ERICH6B: variants seen among roughly 807,000 people sequenced by gnomAD.
ERICH6B encodes the protein glutamate-rich protein 6B.
ERICH6B carries 69 observed loss-of-function variants against 80.0 expected under a neutral mutation model. That is an observed-to-expected ratio of 0.86 (90% CI 0.71 to 1.05). ERICH6B has a LOEUF of 1.05. Among genes scored for constraint, ERICH6B ranks in the 50% least tolerant of loss-of-function variants. The pLI is 0.00. For synonymous variants in ERICH6B, 283 were observed against 291.9 expected (o/e 0.97, Z 0.31); for missense variants, 754 against 796.1 (o/e 0.95, Z 0.64).
chr13:45,555,794 G>A (rs1455423655), intron 11 of ERICH6B, among the ~76,000 whole-genome samples: 2 of 151,990 alleles, frequency 1.3e-5, no homozygotes, highest in African/African-American at 2.4e-5. Context: ...ACTTGGCTTT[G>A]GGAAGCATTT....
At chr13:45,580,763 C>T in intron 5 of ERICH6B, 98 bp from the exon 6 acceptor site, 1 of 1,254,554 alleles carries the variant, frequency 8.0e-7, no homozygotes, top group Non-Finnish European at 1.1e-6. Flanking sequence ...TCTTTCTTGG[C>T]ACCCAAGGCT....
At chr13:45,544,262 A>T (rs1231804498) in intron 14 of ERICH6B, among the ~76,000 whole-genome samples, 2 of 152,244 alleles carry the variant, frequency 1.3e-5, no homozygotes, top group East Asian at 1.9e-4. Flanking sequence ...TTTAGAAGAG[A>T]CGGGGTTTGA....
intron 9 of ERICH6B, among the ~76,000 whole-genome samples, chr13:45,564,461 G>T (rs143631055): frequency 1.6e-3 from 239 of 152,314 alleles, no homozygotes; most frequent in African/African-American, 5.7e-3. Flanking sequence ...AGGCTTAATT[G>T]GATCTGAAAA....
At chr13:45,550,369 C>G in intron 11 of ERICH6B, 53 bp from the exon 12 acceptor site, 2 of 1,434,060 alleles carry the variant, frequency 1.4e-6, no homozygotes, top group South Asian at 1.2e-5. Flanking sequence ...TGGGTACCAA[C>G]TGTCCTACTG....
chr13:45,611,106 C>T (rs1163156674), intron 1 of ERICH6B, among the ~76,000 whole-genome samples: 1 of 152,250 alleles, frequency 6.6e-6, no homozygotes, highest in South Asian at 2.1e-4. Context: ...CTACCCCTAA[C>T]TTTTCTTTCC....
chr13:45,572,576 C>T (rs978072360), intron 8 of ERICH6B, among the ~76,000 whole-genome samples: 9 of 152,114 alleles, frequency 5.9e-5, no homozygotes, highest in East Asian at 5.8e-4. Flanking sequence ...CCTCTCTACA[C>T]ATGAAACAAT....
At chr13:45,544,356 T>G (rs536331996) in intron 14 of ERICH6B, among the ~76,000 whole-genome samples, 2 of 152,278 alleles carry the variant, frequency 1.3e-5, no homozygotes, top group East Asian at 3.9e-4. Context: ...ATTACAGGCA[T>G]AAGCCACCGC....
At chr13:45,607,480 A>G (rs1471631559) in intron 2 of ERICH6B, 84 bp downstream of exon 2, 7 of 152,368 alleles carry the variant, frequency 4.6e-5, no homozygotes, top group Admixed American at 2.0e-4. Context: ...AGGGAGGACA[A>G]TAAGAATTAC....
chr13:45,576,200 C>G (rs1451109196), intron 7 of ERICH6B, among the ~76,000 whole-genome samples: 1 of 152,170 alleles, frequency 6.6e-6, no homozygotes, highest in Non-Finnish European at 1.5e-5. Flanking sequence ...CTGCGTTTAC[C>G]CACACTGTCC....
intron 11 of ERICH6B, among the ~76,000 whole-genome samples, chr13:45,553,673 C>T: frequency 6.6e-6 from 1 of 152,140 alleles, no homozygotes; most frequent in East Asian, 1.9e-4. Flanking sequence ...ACAAAGTTAT[C>T]TAGTTAGAAG....
intron 13 of ERICH6B, among the ~76,000 whole-genome samples, chr13:45,546,679 A>G (rs1268507093): frequency 6.6e-6 from 1 of 152,092 alleles, no homozygotes; most frequent in Non-Finnish European, 1.5e-5. Context: ...AAGTTCCCCT[A>G]GTAATCACCT....
chr13:45,570,627 A>C (rs1875114183), intron 8 of ERICH6B, among the ~76,000 whole-genome samples: 1 of 152,226 alleles, frequency 6.6e-6, no homozygotes, highest in Admixed American at 6.5e-5. Flanking sequence ...CAAGTCTTGC[A>C]GCCGCAGGTT....
intron 5 of ERICH6B, among the ~76,000 whole-genome samples, chr13:45,584,642 C>T (rs1183298311): frequency 6.6e-6 from 1 of 152,184 alleles, no homozygotes; most frequent in Non-Finnish European, 1.5e-5. Context: ...TGAAAAGCTA[C>T]ATTTTCACGA....
At position 45,545,064 on chromosome 13, in the gene ERICH6B, T is replaced by G. The variant is rs1873940352; in HGVS notation, c.1647-79A>C. On this transcript the variant is annotated intron_variant, in intron 13 of 14. Transcript: ENST00000298738. ...GCTCCTCCTCTTCTCCTTCCCTTTC[T>G]TTTCCCCTACTTGGCACAGAAAGAC... is the stretch of plus-strand genomic sequence containing the variant. 5.8e-6 allele frequency: 7 copies of G among 1,199,090 alleles called. No individual in the cohort carries two copies. In the South Asian group the frequency reaches 1.0e-4, roughly 18 times the overall value. The allele number at this position is 1,199,090 out of a possible 1,614,324, so 74.3% of individuals were successfully genotyped here. A position where few individuals can be genotyped will look rare whatever the true frequency, so the allele number is the denominator to read the frequency against.
chr13:45,590,701 T>C lies in ERICH6B; in HGVS notation c.638-4A>G, dbSNP rs767256927. ...GATGAATAACTTGCCTTGGGTTCTA[T>C]TGGAAAAAAGAATAAAAAAGCAATA... On this transcript the variant is annotated splice_region_variant and splice_polypyrimidine_tract_variant and intron_variant, in intron 3 of 14. Coordinates refer to ENST00000298738, the MANE Select transcript of ERICH6B (RefSeq NM_182542.3). 9.0e-6 allele frequency: 14 copies of C among 1,550,012 alleles called. 1 individual carries two copies. Among genetic ancestry groups the C allele is most frequent in the South Asian group, 3.6e-5 (3 of 83,352 alleles).
intron 13 of ERICH6B, among the ~76,000 whole-genome samples, chr13:45,546,393 T>C (rs1873990778): frequency 6.6e-6 from 1 of 152,180 alleles, no homozygotes; most frequent in Non-Finnish European, 1.5e-5. Flanking sequence ...CTTGGGGAGC[T>C]TGGGTTACTG....
chr13:45,562,595 A>T (rs1013702420), intron 10 of ERICH6B, among the ~76,000 whole-genome samples: 6 of 152,140 alleles, frequency 3.9e-5, no homozygotes, highest in Admixed American at 3.9e-4. Context: ...TCACTACTTA[A>T]GGGGATGTCA....
rs1467854875 is a variant in ERICH6B at position 45,596,405 on chromosome 13, C to T, written c.601G>A (p.Asp201Asn). 3 of 1,551,538 alleles carry T rather than the reference C, an allele frequency of 1.9e-6. No individual in the cohort carries two copies. Among genetic ancestry groups the T allele is most frequent in the Non-Finnish European group, 1.7e-6 (2 of 1,146,938 alleles). ...TTTTTATACAGATTTTCTTTTCCAT[C>T]CAGATTCTCTTCCTTCTCCAGAGCT... ...EEALEKEENL[D>N]GKENLYKKYL... Residue 201 changes from aspartate (D) to asparagine (N), a missense_variant, in exon 3 of 15, where the codon GAT (aspartate) becomes AAT (asparagine). Coordinates refer to ENST00000298738, the MANE Select transcript of ERICH6B (RefSeq NM_182542.3).
At chr13:45,605,205 C>T (rs886500486) in intron 2 of ERICH6B, among the ~76,000 whole-genome samples, 1 of 152,190 alleles carries the variant, frequency 6.6e-6, no homozygotes, top group Admixed American at 6.5e-5. Context: ...AGTGCCCCCA[C>T]CTCACTCTCC....
Sources: gnomAD v4.1 joint callset for allele counts (sites outside exome capture counted in the v4.1 genomes callset) on GRCh38, gnomAD v4.1.1 for gene constraint, MANE v1.5 for transcripts, NCBI Gene and HGNC (gene_info 2026-07-23, HGNC 2026-07-21) for gene names.